AMMECR1: variants seen among roughly 807,000 people sequenced by gnomAD.
The protein encoded by AMMECR1 is AMMECR nuclear protein 1.
AMMECR1 carries 3 observed loss-of-function variants against 22.5 expected under a neutral mutation model. The ratio of observed to expected loss-of-function variants is 0.13; its 90% CI spans 0.06 to 0.35. The LOEUF (loss-of-function observed/expected upper bound fraction) is 0.35. Ranked by LOEUF, AMMECR1 falls within the 10% of genes least tolerant of loss-of-function variation. The pLI is 1.00. For synonymous variants in AMMECR1, 130 were observed against 116.7 expected (o/e 1.11, Z -0.74); for missense variants, 235 against 278.7 (o/e 0.84, Z 1.12).
intron 2 of AMMECR1, among the ~76,000 whole-genome samples, chrX:110,365,468 T>A (rs2068291173): frequency 8.9e-6 from 1 of 112,259 alleles, no homozygotes; most frequent in African/African-American, 3.2e-5. Flanking sequence ...CAATATCATT[T>A]CATATGGCTT....
chrX:110,265,636 A>G (rs755930138), intron 1 of AMMECR1, among the ~76,000 whole-genome samples: 1 of 112,076 alleles, frequency 8.9e-6, no homozygotes, highest in Non-Finnish European at 1.9e-5. Flanking sequence ...AGGACATTTT[A>G]TAAAAAGATA....
At chrX:110,304,446 A>C (rs951865573) in intron 1 of AMMECR1, among the ~76,000 whole-genome samples, 1 of 112,450 alleles carries the variant, frequency 8.9e-6, no homozygotes, top group African/African-American at 3.2e-5. Context: ...CAATTTTTCT[A>C]ACTTCATCTT....
intron 1 of AMMECR1, among the ~76,000 whole-genome samples, chrX:110,315,535 T>C (rs2068043947): frequency 8.9e-6 from 1 of 112,504 alleles, no homozygotes; most frequent in African/African-American, 3.2e-5. Flanking sequence ...AATATCTAAA[T>C]ACGTGTGCAA....
chrX:110,258,847 A>G (rs2067723970), intron 2 of AMMECR1, among the ~76,000 whole-genome samples: 1 of 111,561 alleles, frequency 9.0e-6, no homozygotes, highest in Admixed American at 9.5e-5. Flanking sequence ...AGGGAGGAGG[A>G]ACTTGTTTAA....
At chrX:110,392,865 C>T (rs188120065) in intron 2 of AMMECR1, among the ~76,000 whole-genome samples, 7 of 111,931 alleles carry the variant, frequency 6.3e-5, no homozygotes, top group African/African-American at 2.3e-4. Context: ...AAAGAGACAG[C>T]AATAAAAAGA....
chrX:110,410,553 G>A, intron 2 of AMMECR1, among the ~76,000 whole-genome samples: 1 of 111,931 alleles, frequency 8.9e-6, no homozygotes, highest in Middle Eastern at 4.6e-3. Flanking sequence ...AAAAATTGTT[G>A]TCTCAAGTAG....
chrX:110,411,199 G>C (rs762186513), intron 2 of AMMECR1, among the ~76,000 whole-genome samples: 3 of 111,980 alleles, frequency 2.7e-5, no homozygotes, highest in Non-Finnish European at 5.6e-5. Context: ...GACTGTTCAA[G>C]TGCACCAGAG....
intron 2 of AMMECR1, among the ~76,000 whole-genome samples, chrX:110,227,959 C>G (rs2148178491): frequency 8.9e-6 from 1 of 112,068 alleles, no homozygotes; most frequent in South Asian, 3.7e-4. Flanking sequence ...ATACCTCATC[C>G]CCAAAGCCTA....
At chrX:110,369,356 A>G (rs2068321606) in intron 2 of AMMECR1, among the ~76,000 whole-genome samples, 1 of 111,586 alleles carries the variant, frequency 9.0e-6, no homozygotes, top group African/African-American at 3.3e-5. Flanking sequence ...AGAAAAAAAG[A>G]AAAAGAAAGA....
intron 2 of AMMECR1, among the ~76,000 whole-genome samples, chrX:110,331,942 G>T (rs1385896410): frequency 1.8e-5 from 2 of 111,011 alleles, no homozygotes; most frequent in African/African-American, 6.5e-5. Context: ...CCTCTTTTTG[G>T]AATGTTCCTC....
chrX:110,237,295 A>G (rs2067606620), intron 2 of AMMECR1, among the ~76,000 whole-genome samples: 1 of 110,432 alleles, frequency 9.1e-6, no homozygotes, highest in African/African-American at 3.3e-5. Flanking sequence ...ATTTTTTTAA[A>G]TCCTCCAAAA....
intron 2 of AMMECR1, among the ~76,000 whole-genome samples, chrX:110,240,082 G>A (rs964311648): frequency 4.5e-5 from 5 of 110,855 alleles, no homozygotes; most frequent in African/African-American, 9.9e-5. Flanking sequence ...AGGAAAAACC[G>A]GTACCAGCCA....
At chrX:110,346,778 T>A (rs769674486) in intron 2 of AMMECR1, 1 of 754,600 alleles carries the variant, frequency 1.3e-6, no homozygotes, top group South Asian at 2.1e-5. Context: ...GAGGGTCATG[T>A]TGAGCATTCT....
chrX:110,366,145 TA>T (rs1306405096), intron 2 of AMMECR1, among the ~76,000 whole-genome samples: 1 of 111,777 alleles, frequency 8.9e-6, no homozygotes, highest in Non-Finnish European at 1.9e-5. Flanking sequence ...GGTTTTATCC[TA>T]AAAGTCAGCT....
At chrX:110,236,672 T>C (rs1375860094) in intron 2 of AMMECR1, among the ~76,000 whole-genome samples, 1 of 112,295 alleles carries the variant, frequency 8.9e-6, no homozygotes, top group Non-Finnish European at 1.9e-5. Context: ...TGAAGGAATA[T>C]AGGAAGGTAG....
At chrX:110,338,197 T>C (rs913887408) in intron 2 of AMMECR1, among the ~76,000 whole-genome samples, 1 of 112,265 alleles carries the variant, frequency 8.9e-6, no homozygotes, top group Non-Finnish European at 1.9e-5. Context: ...ACTATACATT[T>C]AAAAAGTTAA....
chrX:110,391,825 C>T (rs1469344229), intron 2 of AMMECR1, among the ~76,000 whole-genome samples: 2 of 112,362 alleles, frequency 1.8e-5, no homozygotes, highest in African/African-American at 6.5e-5. Context: ...ACAGCATCAT[C>T]TTCCCCTTTT....
chrX:110,294,519 C>T (rs964747050), intron 1 of AMMECR1, among the ~76,000 whole-genome samples: 2 of 111,866 alleles, frequency 1.8e-5, no homozygotes, highest in African/African-American at 6.5e-5. Context: ...TGACAGCCAG[C>T]TCCAGAAACA....
chrX:110,439,570 A>G (rs774084463), intron 1 of AMMECR1, among the ~76,000 whole-genome samples: 1 of 112,187 alleles, frequency 8.9e-6, no homozygotes, highest in South Asian at 3.8e-4. Flanking sequence ...CCAAGGGTGC[A>G]CTTCTCCCAT....
Sources: gnomAD v4.1 joint callset for allele counts (sites outside exome capture counted in the v4.1 genomes callset) on GRCh38, gnomAD v4.1.1 for gene constraint, MANE v1.5 for transcripts, NCBI Gene and HGNC (gene_info 2026-07-23, HGNC 2026-07-21) for gene names.